DGKI: variants seen among roughly 807,000 people sequenced by gnomAD.
The protein encoded by DGKI is DAG kinase iota.
In DGKI, 55 loss-of-function variants were observed where a neutral mutation model predicts 147.5. The observed-to-expected ratio is 0.37, with a 90% CI of 0.30 to 0.47. DGKI has a LOEUF of 0.47. Among genes scored for constraint, DGKI ranks in the 20% least tolerant of loss-of-function variants. DGKI has a pLI of 1.00. For synonymous variants in DGKI, 469 were observed against 477.1 expected (o/e 0.98, Z 0.22); for missense variants, 1,007 against 1,323.8 (o/e 0.76, Z 3.71).
chr7:137,641,671 A>T (rs1821631327), intron 6 of DGKI, among the ~76,000 whole-genome samples: 1 of 152,194 alleles, frequency 6.6e-6, no homozygotes, highest in African/African-American at 2.4e-5. Flanking sequence ...TAAATCCAAA[A>T]AACTTCTGGT....
At chr7:137,845,381 AG>A (rs1489710669) in intron 1 of DGKI, among the ~76,000 whole-genome samples, 15 of 152,344 alleles carry the variant, frequency 9.8e-5, no homozygotes, top group Non-Finnish European at 1.5e-5. Flanking sequence ...ATGGTGTGAC[AG>A]GCTTAATACT....
chr7:137,772,939 A>C (rs970856245), intron 1 of DGKI, among the ~76,000 whole-genome samples: 1 of 152,200 alleles, frequency 6.6e-6, no homozygotes, highest in South Asian at 2.1e-4. Context: ...GGAGAGAGGA[A>C]GGGTGAGTCA....
intron 3 of DGKI, among the ~76,000 whole-genome samples, chr7:137,671,373 T>C (rs1402283347): frequency 6.6e-6 from 1 of 152,190 alleles, no homozygotes; most frequent in Non-Finnish European, 1.5e-5. Context: ...TTGGTAAGAA[T>C]ATGGATGCTA....
At position 137,615,531 on chromosome 7, in the gene DGKI, A is replaced by ATGTGTG. The variant is rs5887846; in HGVS notation, c.993+4287_993+4292dup. ...TATACATATATGTGTATATGTATGT[A>ATGTGTG]TGTGTGTGTGTGTGTGTGTGTGTGT... On this transcript the variant is annotated intron_variant, in intron 8 of 32. Coordinates refer to ENST00000614521, the MANE Select transcript of DGKI (RefSeq NM_001321708.2). Among the ~76,000 whole-genome samples the ATGTGTG allele has an allele frequency of 8.4e-3, 1,148 of 135,858 alleles. 13 individuals carry two copies. Among genetic ancestry groups the ATGTGTG allele is most frequent in the African/African-American group, 0.026 (1,003 of 38,184 alleles). The allele number at this position is 135,858 out of a possible 152,430, so 89.1% of individuals were successfully genotyped here.
At chr7:137,705,599 T>C (rs1029368469) in intron 1 of DGKI, among the ~76,000 whole-genome samples, 1 of 152,124 alleles carries the variant, frequency 6.6e-6, no homozygotes. Flanking sequence ...GGCACACAAG[T>C]TAACTCTCTG....
chr7:137,638,632 G>A (rs13307829), intron 6 of DGKI, among the ~76,000 whole-genome samples: 4,845 of 31,334 alleles, frequency 0.15, 2,067 homozygotes, highest in African/African-American at 0.24. Context: ...ATATATATGT[G>A]TGTATATATG....
intron 26 of DGKI, among the ~76,000 whole-genome samples, 159 bp downstream of exon 26, chr7:137,465,749 C>G (rs571268168): frequency 6.6e-6 from 1 of 152,176 alleles, no homozygotes; most frequent in Non-Finnish European, 1.5e-5. Flanking sequence ...CACGGCCATT[C>G]ATAAGACAGA....
At chr7:137,705,788 A>C (rs893722226) in intron 1 of DGKI, among the ~76,000 whole-genome samples, 2 of 152,204 alleles carry the variant, frequency 1.3e-5, no homozygotes, top group African/African-American at 4.8e-5. Flanking sequence ...ATTATTAAAC[A>C]ATGGAGGTCA....
intron 23 of DGKI, 82 bp from the exon 24 acceptor site, chr7:137,469,701 C>A: frequency 7.5e-7 from 1 of 1,327,306 alleles, no homozygotes; most frequent in South Asian, 1.3e-5. Context: ...GCCATCCTTT[C>A]CTACACAAAG....
chr7:137,765,869 A>G (rs1796001745), intron 1 of DGKI, among the ~76,000 whole-genome samples: 1 of 152,180 alleles, frequency 6.6e-6, no homozygotes, highest in African/African-American at 2.4e-5. Flanking sequence ...TCTATTGTCA[A>G]TTTCACCCCC....
intron 1 of DGKI, among the ~76,000 whole-genome samples, chr7:137,766,321 G>T (rs886160601): frequency 6.6e-6 from 1 of 152,190 alleles, no homozygotes; most frequent in African/African-American, 2.4e-5. Context: ...GTGTCAACGT[G>T]ATGTTCATCT....
chr7:137,838,624 C>T lies in DGKI; in HGVS notation c.401+7838G>A, dbSNP rs1043866676. On this transcript the variant is annotated intron_variant, in intron 1 of 32. Coordinates refer to ENST00000614521, the MANE Select transcript of DGKI (RefSeq NM_001321708.2). ...AAGGAATCTATTTTCTGGCTATTTC[C>T]TGAAAGACTACATGATACACAAAAG... 3.3e-5 allele frequency among the ~76,000 whole-genome samples: 5 copies of T among 152,052 alleles called. No homozygotes were observed. In the East Asian group the frequency reaches 9.6e-4, roughly 29 times the overall value.
At chr7:137,577,180 T>C (rs1415875307) in intron 17 of DGKI, 42 bp downstream of exon 17, 2 of 1,402,262 alleles carry the variant, frequency 1.4e-6, no homozygotes, top group Middle Eastern at 2.2e-4. Flanking sequence ...GTGGCAGTCA[T>C]ATCATATTCA....
intron 1 of DGKI, among the ~76,000 whole-genome samples, chr7:137,816,119 T>G (rs1227760538): frequency 6.6e-6 from 1 of 152,198 alleles, no homozygotes; most frequent in South Asian, 2.1e-4. Flanking sequence ...TAGTTCATTA[T>G]ATTTCCCGTC....
intron 1 of DGKI, among the ~76,000 whole-genome samples, chr7:137,747,415 C>A (rs1359298521): frequency 6.6e-6 from 1 of 152,178 alleles, no homozygotes; most frequent in Non-Finnish European, 1.5e-5. Flanking sequence ...AAGGCCGATT[C>A]ACACTTCAGC....
At chr7:137,468,974 T>G (rs1401273336) in intron 24 of DGKI, among the ~76,000 whole-genome samples, 1 of 152,072 alleles carries the variant, frequency 6.6e-6, no homozygotes, top group Non-Finnish European at 1.5e-5. Context: ...TGGATAGAAA[T>G]GTAGTATTAG....
chr7:137,798,921 T>C (rs371184067), intron 1 of DGKI, among the ~76,000 whole-genome samples: 3 of 152,248 alleles, frequency 2.0e-5, no homozygotes, highest in South Asian at 2.1e-4. Flanking sequence ...TCAATAGACA[T>C]AGAAATAGCA....
chr7:137,811,562 A>G (rs1169083697), intron 1 of DGKI, among the ~76,000 whole-genome samples: 2 of 152,206 alleles, frequency 1.3e-5, no homozygotes, highest in East Asian at 3.8e-4. Context: ...AATCTGTTAC[A>G]GAAGTCTCTT....
At chr7:137,752,887 C>T (rs1368540678) in intron 1 of DGKI, among the ~76,000 whole-genome samples, 1 of 152,166 alleles carries the variant, frequency 6.6e-6, no homozygotes, top group Non-Finnish European at 1.5e-5. Context: ...TACACCTCCA[C>T]TCACCAGCCA....
Sources: gnomAD v4.1 joint callset for allele counts (sites outside exome capture counted in the v4.1 genomes callset) on GRCh38, gnomAD v4.1.1 for gene constraint, MANE v1.5 for transcripts, NCBI Gene and HGNC (gene_info 2026-07-23, HGNC 2026-07-21) for gene names.